Variants in PCDH9 observed in about 807,000 individuals in gnomAD.
PCDH9 encodes protocadherin-9.
A neutral mutation model predicts 70.6 loss-of-function variants in PCDH9; 24 were observed. The ratio of observed to expected loss-of-function variants is 0.34; its 90% CI spans 0.25 to 0.48. PCDH9 has a LOEUF of 0.48. PCDH9 is among the 20% of genes least tolerant of loss of function. The pLI, the probability that PCDH9 is intolerant of heterozygous loss-of-function variation, is 0.99. For missense variants in PCDH9, 1,281 were observed against 1,503.6 expected, an observed-to-expected ratio of 0.85 and a Z score of 2.45; for synonymous variants, 562 against 558.5, an observed-to-expected ratio of 1.01 and a Z score of -0.09.
At chr13:66,958,961 C>T (rs2083304001) in intron 2 of PCDH9, among the ~76,000 whole-genome samples, 2 of 152,144 alleles carry the variant, frequency 1.3e-5, no homozygotes, top group Non-Finnish European at 2.9e-5. Context: ...GCTGTTGTTT[C>T]TATACTAAAC....
At chr13:66,958,748 T>G (rs1434268364) in intron 2 of PCDH9, among the ~76,000 whole-genome samples, 1 of 152,210 alleles carries the variant, frequency 6.6e-6, no homozygotes, top group Non-Finnish European at 1.5e-5. Context: ...TTGCTGCTGT[T>G]TTTAAGCTAA....
chr13:66,607,296 A>C (rs771680231), intron 4 of PCDH9, among the ~76,000 whole-genome samples: 1 of 152,220 alleles, frequency 6.6e-6, no homozygotes, highest in East Asian at 1.9e-4. Flanking sequence ...GATAAGTATG[A>C]GAATGCAATG....
At chr13:66,373,436 T>A (rs772747662) in intron 4 of PCDH9, among the ~76,000 whole-genome samples, 2 of 152,008 alleles carry the variant, frequency 1.3e-5, no homozygotes, top group African/African-American at 2.4e-5. Context: ...AATGTAAATA[T>A]ATTTAACACT....
intron 2 of PCDH9, among the ~76,000 whole-genome samples, chr13:67,115,269 TG>T (rs1462226169): frequency 1.3e-5 from 2 of 152,224 alleles, no homozygotes; most frequent in Non-Finnish European, 2.9e-5. Context: ...TGGTGAAGCC[TG>T]GGTGGGGTTT....
intron 2 of PCDH9, among the ~76,000 whole-genome samples, chr13:67,068,627 C>T (rs2085698594): frequency 6.6e-6 from 1 of 152,166 alleles, no homozygotes; most frequent in South Asian, 2.1e-4. Context: ...AATAACAGAG[C>T]ACATGCGTTT....
chr13:66,348,154 A>G (rs567161085), intron 4 of PCDH9, among the ~76,000 whole-genome samples: 1 of 151,776 alleles, frequency 6.6e-6, no homozygotes. Context: ...TTTCCTCCCA[A>G]TCTTTTCCCT....
intron 2 of PCDH9, among the ~76,000 whole-genome samples, chr13:67,169,333 G>A (rs1163049563): frequency 6.6e-6 from 1 of 151,934 alleles, no homozygotes; most frequent in Non-Finnish European, 1.5e-5. Context: ...TGCTCATTAT[G>A]GTGTTCATAT....
intron 4 of PCDH9, among the ~76,000 whole-genome samples, chr13:66,427,082 A>C (rs1413441773): frequency 6.6e-6 from 1 of 151,608 alleles, no homozygotes; most frequent in Non-Finnish European, 1.5e-5. Flanking sequence ...TTGTTTTGAA[A>C]AGACTAATAA....
At chr13:66,831,890 T>C (rs2080932170) in intron 3 of PCDH9, among the ~76,000 whole-genome samples, 2 of 11,552 alleles carry the variant, frequency 1.7e-4, no homozygotes, top group Non-Finnish European at 0.018. Flanking sequence ...ACAAGTGTAA[T>C]AAAAACTGTG....
At chr13:66,425,554 A>G (rs1355886019) in intron 4 of PCDH9, among the ~76,000 whole-genome samples, 5 of 149,210 alleles carry the variant, frequency 3.4e-5, no homozygotes, top group Non-Finnish European at 7.4e-5. Flanking sequence ...CTACTTTCAG[A>G]AAACGAAAAA....
At chr13:66,929,321 T>G (rs2082768238) in intron 2 of PCDH9, among the ~76,000 whole-genome samples, 1 of 151,734 alleles carries the variant, frequency 6.6e-6, no homozygotes, top group Non-Finnish European at 1.5e-5. Flanking sequence ...TTATTAATTT[T>G]TAATTTTTTA....
intron 4 of PCDH9, among the ~76,000 whole-genome samples, chr13:66,334,530 C>G (rs1956001332): frequency 6.6e-6 from 1 of 152,078 alleles, no homozygotes; most frequent in Non-Finnish European, 1.5e-5. Flanking sequence ...CAACTCTTCT[C>G]TCCAGCCTGC....
intron 2 of PCDH9, chr13:67,218,947 A>T (rs1456902509): frequency 6.6e-6 from 1 of 152,060 alleles, no homozygotes; most frequent in Non-Finnish European, 1.5e-5. Context: ...TCAAGGGAAA[A>T]TATTTTCATA....
intron 2 of PCDH9, among the ~76,000 whole-genome samples, chr13:67,026,663 A>T (rs9540974): frequency 3.3e-5 from 5 of 151,212 alleles, no homozygotes; most frequent in African/African-American, 1.2e-4. Context: ...ATCTAGAAAA[A>T]CCCATTGTCT....
At chr13:66,665,646 T>C (rs1344386715) in intron 3 of PCDH9, among the ~76,000 whole-genome samples, 4 of 152,192 alleles carry the variant, frequency 2.6e-5, no homozygotes, top group Non-Finnish European at 5.9e-5. Flanking sequence ...AATATACCTC[T>C]GGGGCACATG....
chr13:66,410,657 G>C (rs1047140053), intron 4 of PCDH9, among the ~76,000 whole-genome samples: 1 of 152,178 alleles, frequency 6.6e-6, no homozygotes, highest in African/African-American at 2.4e-5. Flanking sequence ...CTGAGTGTAA[G>C]GATGCTATGA....
chr13:66,763,522 C>T (rs1438190851), intron 3 of PCDH9, among the ~76,000 whole-genome samples: 1 of 152,018 alleles, frequency 6.6e-6, no homozygotes, highest in Non-Finnish European at 1.5e-5. Flanking sequence ...CTACTCCACC[C>T]TATTTTCCTA....
intron 2 of PCDH9, among the ~76,000 whole-genome samples, chr13:66,935,096 ATC>A (rs1180649092): frequency 6.6e-6 from 1 of 151,092 alleles, no homozygotes; most frequent in Admixed American, 6.6e-5. Flanking sequence ...CGGGGTCTCA[ATC>A]TCTCCCAGGC....
At chr13:66,463,365 T>C (rs1207272093) in intron 4 of PCDH9, among the ~76,000 whole-genome samples, 2 of 151,774 alleles carry the variant, frequency 1.3e-5, no homozygotes, top group African/African-American at 4.8e-5. Flanking sequence ...TTAGAACACA[T>C]TGTATAAAAT....
Sources: allele counts gnomAD v4.1 joint callset (sites outside exome capture counted in the v4.1 genomes callset), GRCh38; gene constraint gnomAD v4.1.1; transcripts MANE v1.5; gene names NCBI Gene and HGNC (gene_info 2026-07-23, HGNC 2026-07-21).